GEN1: variants seen among roughly 807,000 people sequenced by gnomAD.
GEN1 encodes flap endonuclease GEN homolog 1.
A neutral mutation model predicts 67.6 loss-of-function variants in GEN1; 64 were observed. That is an observed-to-expected ratio of 0.95 (90% CI 0.77 to 1.17). The LOEUF (loss-of-function observed/expected upper bound fraction) is 1.17, where lower values mean the gene tolerates loss of function less well. Among genes scored for constraint, GEN1 ranks in the 50% most tolerant of loss-of-function variants. The pLI, the probability that GEN1 is intolerant of heterozygous loss-of-function variation, is 0.00. For missense variants in GEN1, 1,058 were observed against 1,048.3 expected, an observed-to-expected ratio of 1.01 and a Z score of -0.13; for synonymous variants, 371 against 359.4, an observed-to-expected ratio of 1.03 and a Z score of -0.37.
intron 1 of GEN1, chr2:17,754,716 C>T (rs903662558): frequency 1.3e-5 from 2 of 152,250 alleles, no homozygotes; most frequent in African/African-American, 4.8e-5. Flanking sequence ...TGGGTGTTCC[C>T]TTTTCCGTGT....
At chr2:17,758,414 T>C (rs1259596125) in intron 1 of GEN1, among the ~76,000 whole-genome samples, 2 of 152,250 alleles carry the variant, frequency 1.3e-5, no homozygotes, top group Non-Finnish European at 2.9e-5. Flanking sequence ...TAATGTGTTC[T>C]GATGGGTTAA....
At position 17,786,586 on chromosome 2, in the gene GEN1, AAAAGTT is replaced by A. The variant is rs1236462829; in HGVS notation, c.*4652_*4657del. The stretch of plus-strand genomic sequence containing the variant: ...AATTTTTCCAGGTCACCCAACTAGA[AAAAGTT>A]AAAGCTGGGACTAGAACTCAGATCT... On this transcript the variant is annotated 3_prime_UTR_variant, in exon 14 of 14. Coordinates refer to ENST00000381254, the MANE Select transcript of GEN1 (RefSeq NM_001130009.3). The A allele has an allele frequency of 3.9e-5, 6 of 152,326 alleles. No homozygotes were observed. In the East Asian group the frequency reaches 1.2e-3, roughly 29 times the overall value. The allele number at this position is 152,326 out of a possible 1,614,324, so 9.4% of individuals were successfully genotyped here. A position where few individuals can be genotyped will look rare whatever the true frequency, so the allele number is the denominator to read the frequency against.
chr2:17,760,699 A>C (rs1463005399), intron 2 of GEN1, among the ~76,000 whole-genome samples: 1 of 152,128 alleles, frequency 6.6e-6, no homozygotes, highest in Non-Finnish European at 1.5e-5. Context: ...AGGCAGGTGG[A>C]TCACAAAGTC....
At chr2:17,767,387 C>G (rs930186184) in intron 5 of GEN1, among the ~76,000 whole-genome samples, 1 of 152,140 alleles carries the variant, frequency 6.6e-6, no homozygotes, top group Admixed American at 6.5e-5. Context: ...CATTTTACCT[C>G]TATTCCCAAG....
At chr2:17,761,612 C>A (rs529044364) in intron 3 of GEN1, 30 bp downstream of exon 3, 2 of 1,476,898 alleles carry the variant, frequency 1.4e-6, no homozygotes, top group East Asian at 2.3e-5. Context: ...TCAGTAATTC[C>A]GATTTGAATT....
rs1191893608 is a variant in GEN1, at chr2:17,782,941, G to C, written c.*1002G>C. 1 of 152,160 alleles carries C rather than the reference G, an allele frequency of 6.6e-6. No homozygotes were observed. Among genetic ancestry groups the C allele is most frequent in the East Asian group, 1.9e-4 (1 of 5,198 alleles). 9.4% of individuals were successfully genotyped at this position (152,160 alleles called of 1,614,324 possible). On this transcript the variant is annotated 3_prime_UTR_variant, in exon 14 of 14. Coordinates refer to ENST00000381254, the MANE Select transcript of GEN1 (RefSeq NM_001130009.3). ...GGAAAATGGTGTCTGCAGATGACAA[G>C]ATTGTATGCATCAAAAATTCTAAGA...
intron 12 of GEN1, 146 bp downstream of exon 12, chr2:17,778,209 T>A: frequency 4.4e-6 from 1 of 229,218 alleles, no homozygotes; most frequent in Non-Finnish European, 8.0e-6. Flanking sequence ...TATATGTGTA[T>A]ATATATGTAT....
intron 1 of GEN1, among the ~76,000 whole-genome samples, chr2:17,759,504 C>T (rs1671576501): frequency 2.0e-5 from 3 of 151,952 alleles, no homozygotes; most frequent in Non-Finnish European, 2.9e-5. Flanking sequence ...ACTTCATTTT[C>T]TCTCGTTTCT....
chr2:17,775,348 G>C (rs936540364), intron 11 of GEN1, among the ~76,000 whole-genome samples: 1 of 152,130 alleles, frequency 6.6e-6, no homozygotes, highest in Non-Finnish European at 1.5e-5. Context: ...AAGTCACACA[G>C]AAATGATCTC....
chr2:17,768,734 A>G lies in GEN1; in HGVS notation c.637-4A>G. ...GAATTATTTTTTTTCCCACTTTCTG[A>G]AAGGGAGTCCCTGGAGTTGGAAAAG... On this transcript the variant is annotated splice_region_variant and splice_polypyrimidine_tract_variant and intron_variant, in intron 5 of 13. Coordinates refer to ENST00000381254, the MANE Select transcript of GEN1 (RefSeq NM_001130009.3). 1.2e-6 allele frequency: 2 copies of G among 1,605,308 alleles called. No homozygotes were observed. Among genetic ancestry groups the G allele is most frequent in the South Asian group, 1.1e-5 (1 of 90,174 alleles).
At chr2:17,774,189 G>GA in intron 10 of GEN1, 82 bp from the exon 11 acceptor site, 4 of 660,960 alleles carry the variant, frequency 6.1e-6, no homozygotes, top group Non-Finnish European at 9.1e-6. Context: ...AATTCTAAAG[G>GA]AAAAAATATT....
At chr2:17,769,006 C>T (rs1459252731) in intron 6 of GEN1, among the ~76,000 whole-genome samples, 195 bp downstream of exon 6, 1 of 151,738 alleles carries the variant, frequency 6.6e-6, no homozygotes, top group African/African-American at 2.4e-5. Flanking sequence ...ATACATGTTC[C>T]AAGCCGTATT....
intron 10 of GEN1, among the ~76,000 whole-genome samples, 172 bp downstream of exon 10, chr2:17,773,471 A>G (rs1672287432): frequency 6.6e-6 from 1 of 152,062 alleles, no homozygotes; most frequent in African/African-American, 2.4e-5. Flanking sequence ...CCATCTTTGC[A>G]CACTATAAGA....
rs1255608325 is a variant in GEN1, at chr2:17,772,662, A to G, written c.831A>G (p.Gly277=). 6.2e-7 allele frequency: 1 copy of G among 1,611,628 alleles called. No individual in the cohort carries two copies. Among genetic ancestry groups the G allele is most frequent in the Admixed American group, 1.7e-5 (1 of 59,658 alleles). The change falls in exon 8 of 14, where the codon GGA becomes GGG. Residue 277 remains glycine, a synonymous_variant. Transcript: ENST00000381254. ...CACCTAAGGATCATGAACGTAATGG[A>G]TGCAGATTATGTAAAAGTGATAAAT... ...PGSPKDHERN[G]CRLCKSDKYC...
At chr2:17,764,756 C>T (rs1000981463) in intron 3 of GEN1, 141 bp from the exon 4 acceptor site, 1 of 709,014 alleles carries the variant, frequency 1.4e-6, no homozygotes, top group Non-Finnish European at 2.2e-6. Context: ...GTTCAAATTT[C>T]CAAGTGTTTC....
intron 10 of GEN1, among the ~76,000 whole-genome samples, chr2:17,773,844 AGTACCAGCT>A (rs1291020688): frequency 6.6e-6 from 1 of 151,918 alleles, no homozygotes; most frequent in Non-Finnish European, 1.5e-5. Flanking sequence ...GGTACTTACA[AGTACCAGCT>A]GTAAGTAATG....
intron 5 of GEN1, 142 bp from the exon 6 acceptor site, chr2:17,768,596 A>C: frequency 1.7e-6 from 1 of 603,984 alleles, no homozygotes; most frequent in Admixed American, 3.1e-5. Context: ...TATGCATAGC[A>C]GTGTATCTTG....
chr2:17,780,609 T>G lies in GEN1; in HGVS notation c.1409-12T>G. On this transcript the variant is annotated splice_polypyrimidine_tract_variant and intron_variant, in intron 13 of 13. Coordinates refer to ENST00000381254, the MANE Select transcript of GEN1 (RefSeq NM_001130009.3). ...AATAAATGTTGATTATATGTATTTT[T>G]TTTCTTTTCAGGTATTAAGCCTAAA... is the stretch of plus-strand genomic sequence containing the variant. 6.7e-7 allele frequency: 1 copy of G among 1,487,960 alleles called. No individual in the cohort carries two copies. Among genetic ancestry groups the G allele is most frequent in the Non-Finnish European group, 9.1e-7 (1 of 1,103,766 alleles). The allele number at this position is 1,487,960 out of a possible 1,614,324, so 92.2% of individuals were successfully genotyped here. A position where few individuals can be genotyped will look rare whatever the true frequency, so the allele number is the denominator to read the frequency against.
In GEN1 at chr2:17,766,650, T is replaced by G; in HGVS notation, c.597T>G (p.Val199=). Residue 199 remains valine, a synonymous_variant, in exon 5 of 14, where the codon GTT becomes GTG. Coordinates refer to ENST00000381254, the MANE Select transcript of GEN1 (RefSeq NM_001130009.3). ...SKLGLDRDAL[V]GLAILLGCDY... ...TAGGTTTGGATAGAGATGCTCTGGT[T>G]GGATTAGCAATACTTCTTGGCTGTG... 1.2e-6 allele frequency: 2 copies of G among 1,607,424 alleles called. No individual in the cohort carries two copies. Among genetic ancestry groups the G allele is most frequent in the Non-Finnish European group, 1.7e-6 (2 of 1,174,136 alleles).
Sources: allele counts gnomAD v4.1 joint callset (sites outside exome capture counted in the v4.1 genomes callset), GRCh38; gene constraint gnomAD v4.1.1; transcripts MANE v1.5; gene names NCBI Gene and HGNC (gene_info 2026-07-23, HGNC 2026-07-21).